The following KCNK12 variants were observed in gnomAD, a reference collection of about 807,000 sequenced individuals.
KCNK12 encodes potassium two pore domain channel subfamily K member 12.
A neutral mutation model predicts 25.3 loss-of-function variants in KCNK12; 6 were observed. That is an observed-to-expected ratio of 0.24 (90% CI 0.13 to 0.47). The LOEUF (loss-of-function observed/expected upper bound fraction) is 0.47, where lower values mean the gene tolerates loss of function less well. Among genes scored for constraint, KCNK12 ranks in the 20% least tolerant of loss-of-function variants. KCNK12 has a pLI of 0.99. For missense variants in KCNK12, 444 were observed against 661.7 expected (o/e 0.67, Z 3.61); for synonymous variants, 331 against 311.1 (o/e 1.06, Z -0.67).
Position 47,525,095 on chromosome 2 carries a change from A to G in KCNK12, c.392-3287T>C, listed in dbSNP as rs1668739854. Among the ~76,000 whole-genome samples, 1 of 152,210 alleles carries G rather than the reference A, an allele frequency of 6.6e-6. No homozygotes were observed. Among genetic ancestry groups the G allele is most frequent in the Non-Finnish European group, 1.5e-5 (1 of 68,014 alleles). On this transcript the variant is annotated intron_variant, in intron 1 of 1. Transcript: ENST00000327876. The surrounding 1 kb of genome is among the most constrained non-coding windows in gnomAD (Gnocchi z 4.1). ...CTAAAGCCTCAAAGCTGAGAACAGT[A>G]TGTGTACATTTCTCCCCATTCTAAA...
At chr2:47,545,931 C>A (rs557293159) in intron 1 of KCNK12, among the ~76,000 whole-genome samples, 1 of 144,234 alleles carries the variant, frequency 6.9e-6, no homozygotes, top group South Asian at 2.2e-4. Flanking sequence ...TTTTTTTTCT[C>A]AAATAATTTG....
chr2:47,542,591 C>A (rs933626704), intron 1 of KCNK12, among the ~76,000 whole-genome samples: 1 of 152,158 alleles, frequency 6.6e-6, no homozygotes, highest in East Asian at 1.9e-4. Context: ...GTCCTGCAGC[C>A]AGGTTGGGCT....
In KCNK12 at chr2:47,556,650, C is replaced by T. The variant is rs760220169; in HGVS notation, c.391+13291G>A. ...AGTTGGTATTTTGATAGGGGTACAA[C>T]ATAGGGAGAGAGGGGCAAGGAAGTT... On this transcript the variant is annotated intron_variant, in intron 1 of 1. Coordinates refer to ENST00000327876, the MANE Select transcript of KCNK12 (RefSeq NM_022055.2). This position sits in a 1 kb window ranked among gnomAD's most constrained non-coding sequence, Gnocchi z 4.8. Among the ~76,000 whole-genome samples the T allele has an allele frequency of 1.3e-5, 2 of 151,992 alleles. No homozygotes were observed. The highest frequency in any genetic ancestry group is 2.4e-5 in the African/African-American group (1 of 41,366).
Position 47,515,811 on chromosome 2 carries a change from A to G in KCNK12, c.*5096T>C, listed in dbSNP as rs562955541. Among the ~76,000 whole-genome samples the G allele has an allele frequency of 5.3e-5, 8 of 152,322 alleles. No individual in the cohort carries two copies. Among genetic ancestry groups the G allele is most frequent in the African/African-American group, 1.4e-4 (6 of 41,574 alleles). ...GGGCAAGTAAGCTGCTTCTGAAAAG[A>G]AGGGGTTTGCAAAGCCAACCCAGGC... On this transcript the variant is annotated 3_prime_UTR_variant, in exon 2 of 2. Coordinates refer to ENST00000327876, the MANE Select transcript of KCNK12 (RefSeq NM_022055.2).
intron 1 of KCNK12, chr2:47,543,241 C>T (rs1669239765): frequency 1.3e-5 from 2 of 151,948 alleles, no homozygotes; most frequent in African/African-American, 4.8e-5. Flanking sequence ...ACCACCACAA[C>T]AAGCACAGAC....
intron 1 of KCNK12, among the ~76,000 whole-genome samples, chr2:47,524,055 A>T (rs1234001878): frequency 6.6e-6 from 1 of 152,208 alleles, no homozygotes; most frequent in African/African-American, 2.4e-5. Context: ...TGTTGATCTT[A>T]CGCTTAATGA....
chr2:47,534,904 TG>T, intron 1 of KCNK12: 1 of 212,400 alleles, frequency 4.7e-6, no homozygotes, highest in East Asian at 7.1e-5. Flanking sequence ...TCTGGTGGTT[TG>T]TAAAGCAACA....
intron 1 of KCNK12, among the ~76,000 whole-genome samples, chr2:47,534,021 T>C (rs1157077387): frequency 6.6e-6 from 1 of 151,962 alleles, no homozygotes; most frequent in Non-Finnish European, 1.5e-5. Flanking sequence ...GGTGACTTTC[T>C]TCATTTGATG....
chr2:47,542,533 G>A (rs983720699), intron 1 of KCNK12, among the ~76,000 whole-genome samples: 1 of 152,222 alleles, frequency 6.6e-6, no homozygotes, highest in Admixed American at 6.5e-5. Context: ...GGAGCTCTGA[G>A]GGGAAGGTCT....
In KCNK12 at chr2:47,570,194, G is replaced by A. The variant is rs758986585; in HGVS notation, c.138C>T (p.Ile46=). ...TGGCACCCGCCACCAGGTAGAGGCCGATGAGCGCCGCCAGCAGCACGAAGC... is the reference window on the plus strand; with the variant it reads ...TGGCACCCGCCACCAGGTAGAGGCCAATGAGCGCCGCCAGCAGCACGAAGC... ...TGRFVLLAAL[I]GLYLVAGATV... Residue 46 remains isoleucine (I), a synonymous_variant, in exon 1 of 2, where the codon ATC becomes ATT. Transcript: ENST00000327876. 4.0e-6 allele frequency: 6 copies of A among 1,497,622 alleles called. No homozygotes were observed. The East Asian group carries it at 1.4e-4, about 35-fold the overall frequency. 92.8% of individuals were successfully genotyped at this position (1,497,622 alleles called of 1,614,324 possible).
intron 1 of KCNK12, among the ~76,000 whole-genome samples, chr2:47,536,450 A>C (rs1302534765): frequency 2.6e-5 from 4 of 152,230 alleles, no homozygotes; most frequent in Non-Finnish European, 5.9e-5. Flanking sequence ...CAGAACTGAC[A>C]GTTTGTCCAG....
At position 47,515,529 on chromosome 2, in the gene KCNK12, A is replaced by G. The variant is rs1668505131; in HGVS notation, c.*5378T>C. ...TGCATGATCTGTACAGTATAGTTGTAGAAAACTTCTTGTTTTATCATTTGA... is the reference window on the plus strand; with the variant it reads ...TGCATGATCTGTACAGTATAGTTGTGGAAAACTTCTTGTTTTATCATTTGA... On this transcript the variant is annotated 3_prime_UTR_variant, in exon 2 of 2. Transcript: ENST00000327876. Among the ~76,000 whole-genome samples, 6 of 152,350 alleles carry G rather than the reference A, an allele frequency of 3.9e-5. No individual in the cohort carries two copies. In the South Asian group the frequency reaches 1.2e-3, roughly 32 times the overall value.
Position 47,548,052 on chromosome 2 carries a change from C to T in KCNK12, c.391+21889G>A, listed in dbSNP as rs972458934. Among the ~76,000 whole-genome samples, 2 of 152,148 alleles carry T rather than the reference C, an allele frequency of 1.3e-5. No homozygotes were observed. Among genetic ancestry groups the T allele is most frequent in the Non-Finnish European group, 2.9e-5 (2 of 68,036 alleles). ...AGTGTGTAGCACCTTCCCCTTTGCT[C>T]TCTTCCTCCTGCTCCAGCCATGAAG... is the stretch of plus-strand genomic sequence containing the variant. On this transcript the variant is annotated intron_variant, in intron 1 of 1. Transcript: ENST00000327876. This position sits in a 1 kb window ranked among gnomAD's most constrained non-coding sequence, Gnocchi z 4.4.
rs1669775741 is a variant in KCNK12, at chr2:47,565,730, AGTGAT to A, written c.391+4206_391+4210del. ...CTGATAAACATCCTTTAGGATGTGA[AGTGAT>A]GGGTTAATTCTGTTTGGATTGTTTG... is the stretch of plus-strand genomic sequence containing the variant. On this transcript the variant is annotated intron_variant, in intron 1 of 1. Transcript: ENST00000327876. The surrounding 1 kb of genome is among the most constrained non-coding windows in gnomAD (Gnocchi z 5.0). The A allele has an allele frequency of 2.6e-5, 4 of 152,246 alleles. No individual in the cohort carries two copies. 9.4% of individuals were successfully genotyped at this position (152,246 alleles called of 1,614,324 possible). A position where few individuals can be genotyped will look rare whatever the true frequency, so the allele number is the denominator to read the frequency against.
intron 1 of KCNK12, among the ~76,000 whole-genome samples, chr2:47,535,830 A>G (rs1466119212): frequency 6.6e-6 from 1 of 152,154 alleles, no homozygotes; most frequent in African/African-American, 2.4e-5. Flanking sequence ...GCTGTGGCCA[A>G]AACGCCTGCC....
Position 47,515,666 on chromosome 2 carries a change from G to T in KCNK12, c.*5241C>A, listed in dbSNP as rs1295375973. Among the ~76,000 whole-genome samples, 1 of 152,160 alleles carries T rather than the reference G, an allele frequency of 6.6e-6. No individual in the cohort carries two copies. The highest frequency in any genetic ancestry group is 1.5e-5 in the Non-Finnish European group (1 of 68,036). ...GGGGAGTGATCGTATAGACAGAGGT[G>T]GGTGGGGCCAGTGTGAGCCTGATGG... is the stretch of plus-strand genomic sequence containing the variant. On this transcript the variant is annotated 3_prime_UTR_variant, in exon 2 of 2. Coordinates refer to ENST00000327876, the MANE Select transcript of KCNK12 (RefSeq NM_022055.2).
chr2:47,532,586 TTTCTA>T, intron 1 of KCNK12, among the ~76,000 whole-genome samples: 1 of 152,330 alleles, frequency 6.6e-6, no homozygotes, highest in East Asian at 1.9e-4. Flanking sequence ...TGTAAGGGTT[TTTCTA>T]TTCTTTGTTT....
At chr2:47,564,039 C>T (rs1321718088) in intron 1 of KCNK12, 1 of 231,278 alleles carries the variant, frequency 4.3e-6, no homozygotes, top group East Asian at 6.1e-5. Context: ...CCTTTCTCCA[C>T]TCTCCCAGAA....
At chr2:47,568,521 T>C (rs11676591) in intron 1 of KCNK12, among the ~76,000 whole-genome samples, 2,440 of 152,310 alleles carry the variant, frequency 0.016, 32 homozygotes, top group Non-Finnish European at 0.028. Flanking sequence ...TGAAAAATCA[T>C]TGAAGGCAAG....
Sources: allele counts gnomAD v4.1 joint callset (sites outside exome capture counted in the v4.1 genomes callset), GRCh38; gene constraint gnomAD v4.1.1; non-coding constraint Gnocchi (gnomAD v3.1); transcripts MANE v1.5; gene names NCBI Gene and HGNC (gene_info 2026-07-23, HGNC 2026-07-21).